Variants in DST observed in about 807,000 individuals in gnomAD.
DST encodes bullous pemphigoid antigen.
Under a neutral mutation model 875.2 loss-of-function variants are expected in DST, and 253 were observed. That is an observed-to-expected ratio of 0.29 (90% CI 0.26 to 0.32). The LOEUF (loss-of-function observed/expected upper bound fraction) is 0.32, where lower values mean the gene tolerates loss of function less well. Among genes scored for constraint, DST ranks in the 10% least tolerant of loss-of-function variants. DST has a pLI of 1.00. For synonymous variants in DST, 3,124 were observed against 3,197.1 expected (o/e 0.98, Z 0.77); for missense variants, 8,287 against 9,111.6 (o/e 0.91, Z 3.68).
At chr6:56,618,149 G>T in intron 36 of DST, 1 of 1,614,130 alleles carries the variant, frequency 6.2e-7, no homozygotes. Flanking sequence ...CTCGGTGCTT[G>T]TCTGAGAAAA....
chr6:56,662,142 C>G (rs1003144032), intron 10 of DST, among the ~76,000 whole-genome samples: 3 of 152,076 alleles, frequency 2.0e-5, no homozygotes, highest in East Asian at 1.9e-4. Context: ...AGGTAATTAA[C>G]AAGTTAAGAA....
chr6:56,744,010 A>G (rs1194938289), intron 4 of DST, among the ~76,000 whole-genome samples: 2 of 152,046 alleles, frequency 1.3e-5, no homozygotes, highest in East Asian at 3.9e-4. Flanking sequence ...TTAGCAGGGC[A>G]TGGTGACAGG....
intron 9 of DST, among the ~76,000 whole-genome samples, chr6:56,679,475 C>T (rs543736733): frequency 1.3e-5 from 2 of 151,728 alleles, no homozygotes; most frequent in South Asian, 4.2e-4. Context: ...TAGTTATTTA[C>T]TATTTGGCTG....
intron 36 of DST, chr6:56,615,884 C>T: frequency 6.2e-7 from 1 of 1,614,166 alleles, no homozygotes. Context: ...GATGGGATGG[C>T]CAATCCCTGT....
At chr6:56,766,975 T>G (rs777190835) in intron 4 of DST, among the ~76,000 whole-genome samples, 2 of 152,208 alleles carry the variant, frequency 1.3e-5, no homozygotes, top group Non-Finnish European at 2.9e-5. Flanking sequence ...TAAGCTACTC[T>G]TAAATAACAC....
chr6:56,905,027 A>G (rs1160045301), intron 2 of DST, among the ~76,000 whole-genome samples: 1 of 152,124 alleles, frequency 6.6e-6, no homozygotes, highest in Non-Finnish European at 1.5e-5. Context: ...TGACCTCATG[A>G]TCTGCCCACC....
chr6:56,467,592 T>G (rs1351822918), intron 98 of DST: 1 of 152,178 alleles, frequency 6.6e-6, no homozygotes, highest in East Asian at 1.9e-4. Context: ...GGAGGGGATT[T>G]AAAGAAAATT....
intron 88 of DST, 136 bp from the exon 89 acceptor site, chr6:56,483,013 G>T: frequency 3.5e-6 from 2 of 564,646 alleles, no homozygotes; most frequent in Non-Finnish European, 5.4e-6. Context: ...CATATTTCTG[G>T]CAGCATCTTC....
In DST at chr6:56,578,828, A is replaced by G. The variant is rs775086354; in HGVS notation, c.13013T>C (p.Ile4338Thr). ...GAATATCTTACCAAGTGTTTTCTGGATATCATTCTTGGCTGGAAGTAAAGA... is the reference window on the plus strand; with the variant it reads ...GAATATCTTACCAAGTGTTTTCTGGGTATCATTCTTGGCTGGAAGTAAAGA... ...RGSLLPAKND[I>T]QKTLDDIVGR... Residue 4338 changes from isoleucine to threonine, a missense_variant, in exon 50 of 104, where the codon ATC (isoleucine) becomes ACC (threonine). This residue lies in a region of DST where 1,513 missense variants were observed against 1,677.8 expected (regional missense o/e 0.90). Coordinates refer to ENST00000680361, the MANE Select transcript of DST (RefSeq NM_001374736.1). 7.4e-6 allele frequency: 12 copies of G among 1,612,244 alleles called. No individual in the cohort carries two copies. The highest frequency in any genetic ancestry group is 1.3e-5 in the African/African-American group (1 of 75,018).
chr6:56,647,606 C>T (rs1312594953), intron 13 of DST, among the ~76,000 whole-genome samples: 1 of 151,984 alleles, frequency 6.6e-6, no homozygotes, highest in Non-Finnish European at 1.5e-5. Flanking sequence ...AAGTAGACCA[C>T]TTTGCTATTA....
intron 58 of DST, among the ~76,000 whole-genome samples, chr6:56,558,346 TTTACCTTGACCAGTAGTTC>T (rs1382801332): frequency 6.6e-6 from 1 of 152,130 alleles, no homozygotes; most frequent in Admixed American, 6.6e-5. Flanking sequence ...ATCATCATGT[TTTACCTTGACCAGTAGTTC>T]TCACACTTCA....
chr6:56,917,346 G>A (rs1437144294), intron 2 of DST, among the ~76,000 whole-genome samples: 3 of 152,196 alleles, frequency 2.0e-5, no homozygotes, highest in Non-Finnish European at 4.4e-5. Flanking sequence ...AAGCCAACAG[G>A]AGCAGGTTTT....
At chr6:56,596,963 C>G (rs1480122790) in intron 47 of DST, among the ~76,000 whole-genome samples, 2 of 152,180 alleles carry the variant, frequency 1.3e-5, no homozygotes, top group Non-Finnish European at 2.9e-5. Context: ...TCAACTTAGC[C>G]TGGACACAGT....
chr6:56,879,614 C>T (rs188135402), intron 3 of DST, among the ~76,000 whole-genome samples: 5 of 152,306 alleles, frequency 3.3e-5, no homozygotes, highest in African/African-American at 1.2e-4. Flanking sequence ...CATCCATATT[C>T]AGTGATATTA....
chr6:56,523,601 T>G (rs999350207), intron 69 of DST, among the ~76,000 whole-genome samples: 1 of 152,074 alleles, frequency 6.6e-6, no homozygotes, highest in Non-Finnish European at 1.5e-5. Context: ...AAAAAGCAGG[T>G]TGACATTATA....
intron 2 of DST, among the ~76,000 whole-genome samples, chr6:56,917,019 A>G (rs1361003314): frequency 1.0e-5 from 1 of 95,890 alleles, no homozygotes; most frequent in South Asian, 2.5e-4. Flanking sequence ...AAAAAAAAAG[A>G]CAGGCAGAGG....
rs767527732 is a variant in DST at position 56,573,817 on chromosome 6, G to C, written c.13098C>G (p.Thr4366=). The C allele has an allele frequency of 6.2e-7, 1 of 1,613,496 alleles. No individual in the cohort carries two copies. The highest frequency in any genetic ancestry group is 1.7e-5 in the Admixed American group (1 of 59,904). The change falls in exon 51 of 104, where the codon ACC becomes ACG. Residue 4366 remains threonine (T), a synonymous_variant. Transcript: ENST00000680361. ...CCTGCACACTCAGTGAACGGGTCAAGGTTATCTGGAGTTTTTCATTTCGTT... is the reference window on the plus strand; with the variant it reads ...CCTGCACACTCAGTGAACGGGTCAACGTTATCTGGAGTTTTTCATTTCGTT... ...VNERNEKLQI[T]LTRSLSVQDG... is the part of the protein sequence containing the mutation.
intron 74 of DST, among the ~76,000 whole-genome samples, chr6:56,509,200 A>T (rs2096411512): frequency 6.6e-6 from 1 of 152,088 alleles, no homozygotes. Context: ...CACTACGCAC[A>T]TGCTCTCCCT....
intron 2 of DST, among the ~76,000 whole-genome samples, chr6:56,934,437 T>A (rs1261043851): frequency 2.6e-5 from 4 of 151,368 alleles, no homozygotes; most frequent in Non-Finnish European, 5.9e-5. Context: ...TCTGGGCTTA[T>A]AAATTCCAGC....
Sources: gnomAD v4.1 joint callset for allele counts (sites outside exome capture counted in the v4.1 genomes callset) on GRCh38, gnomAD v4.1.1 for gene constraint, gnomAD v4.1.1 regional missense constraint, MANE v1.5 for transcripts, NCBI Gene and HGNC (gene_info 2026-07-23, HGNC 2026-07-21) for gene names.